Variants in SLC4A4 observed in about 807,000 individuals in gnomAD.
SLC4A4 encodes the protein electrogenic sodium bicarbonate cotransporter 1.
SLC4A4 carries 27 observed loss-of-function variants against 111.5 expected under a neutral mutation model. The observed-to-expected ratio is 0.24, with a 90% confidence interval of 0.18 to 0.33. The LOEUF (loss-of-function observed/expected upper bound fraction) is 0.33, where lower values mean the gene tolerates loss of function less well. Among genes scored for constraint, SLC4A4 ranks in the 10% least tolerant of loss-of-function variants. The pLI is 1.00. For missense variants in SLC4A4, 909 were observed against 1,315.5 expected, an observed-to-expected ratio of 0.69 and a Z score of 4.78; for synonymous variants, 443 against 463.4, an observed-to-expected ratio of 0.96 and a Z score of 0.57.
At chr4:71,209,636 T>A (rs1718004924) in intron 1 of SLC4A4, among the ~76,000 whole-genome samples, 1 of 152,186 alleles carries the variant, frequency 6.6e-6, no homozygotes, top group African/African-American at 2.4e-5. Context: ...CAGTTGCATA[T>A]CAATTGGACT....
At chr4:71,364,731 G>A (rs185452141) in intron 6 of SLC4A4, among the ~76,000 whole-genome samples, 35 of 152,214 alleles carry the variant, frequency 2.3e-4, no homozygotes, top group African/African-American at 7.7e-4. Flanking sequence ...TTTTGGGGGG[G>A]ATACAAACAT....
intron 2 of SLC4A4, among the ~76,000 whole-genome samples, chr4:71,133,917 C>G (rs558537525): frequency 6.6e-6 from 1 of 152,130 alleles, no homozygotes; most frequent in African/African-American, 2.4e-5. Flanking sequence ...CTTGCTCTGT[C>G]TTGCTGGCAC....
intron 3 of SLC4A4, among the ~76,000 whole-genome samples, chr4:71,319,665 T>C (rs1391889298): frequency 6.6e-6 from 1 of 152,128 alleles, no homozygotes; most frequent in Admixed American, 6.6e-5. Context: ...GATTGCTTAA[T>C]ATAATAGCAT....
At chr4:71,177,903 T>C (rs1021460851) in intron 2 of SLC4A4, among the ~76,000 whole-genome samples, 4 of 152,144 alleles carry the variant, frequency 2.6e-5, no homozygotes, top group Non-Finnish European at 5.9e-5. Flanking sequence ...ACCACACTTA[T>C]TTCAAAACTG....
intron 15 of SLC4A4, 29 bp from the exon 16 acceptor site, chr4:71,497,472 A>G: frequency 1.3e-6 from 2 of 1,588,496 alleles, no homozygotes; most frequent in Non-Finnish European, 1.7e-6. Context: ...AATGTTCTCT[A>G]GAAAAATTTT....
At chr4:71,065,185 G>A (rs535690453) in intron 1 of SLC4A4, among the ~76,000 whole-genome samples, 2 of 152,144 alleles carry the variant, frequency 1.3e-5, no homozygotes, top group African/African-American at 2.4e-5. Context: ...TTTTTGTCAT[G>A]AGCCATCCTT....
chr4:71,346,090 TC>T (rs1560428259), intron 4 of SLC4A4, among the ~76,000 whole-genome samples: 1 of 152,102 alleles, frequency 6.6e-6, no homozygotes, highest in African/African-American at 2.4e-5. Flanking sequence ...TCTTTTTTTT[TC>T]TTAATTATAT....
chr4:71,225,517 T>G (rs949545485), intron 1 of SLC4A4, among the ~76,000 whole-genome samples: 1 of 152,196 alleles, frequency 6.6e-6, no homozygotes, highest in Non-Finnish European at 1.5e-5. Context: ...GCACACTGAC[T>G]GACATGTAGC....
chr4:71,443,108 CTCTCTCTCTATA>C (rs1472689304), intron 8 of SLC4A4, among the ~76,000 whole-genome samples: 3 of 101,962 alleles, frequency 2.9e-5, no homozygotes, highest in East Asian at 3.5e-4. Context: ...CTCTCTCTCT[CTCTCTCTCTATA>C]TATATATATA....
intron 6 of SLC4A4, among the ~76,000 whole-genome samples, chr4:71,395,806 A>G (rs72650341): frequency 2.5e-3 from 387 of 152,336 alleles, no homozygotes; most frequent in Admixed American, 4.8e-3. Context: ...CCACTTACAT[A>G]TAAATTATTT....
chr4:71,130,279 G>A (rs1560735122), intron 2 of SLC4A4, among the ~76,000 whole-genome samples: 1 of 151,806 alleles, frequency 6.6e-6, no homozygotes, highest in East Asian at 1.9e-4. Context: ...GCTTGGGTGG[G>A]GGTGCAGTAG....
intron 16 of SLC4A4, among the ~76,000 whole-genome samples, chr4:71,508,192 C>G (rs1275901662): frequency 6.6e-6 from 1 of 151,952 alleles, no homozygotes; most frequent in East Asian, 1.9e-4. Context: ...GAACCAAGAG[C>G]AAACAAACCC....
intron 6 of SLC4A4, among the ~76,000 whole-genome samples, chr4:71,374,792 T>A (rs866549597): frequency 2.0e-5 from 3 of 152,140 alleles, no homozygotes; most frequent in Non-Finnish European, 2.9e-5. Flanking sequence ...ACAGTTTTTT[T>A]TTTTTCCTAA....
Position 71,451,268 on chromosome 4 carries a change from A to G in SLC4A4, c.1289A>G (p.His430Arg). 1 of 1,613,018 alleles carries G rather than the reference A, an allele frequency of 6.2e-7. No individual in the cohort carries two copies. The highest frequency in any genetic ancestry group is 8.5e-7 in the Non-Finnish European group (1 of 1,179,020). ...GATGGAGGTCACGGAGGAGGAGGACATGGGGATTGTGAAGAATTGCAGCGA... is the reference window on the plus strand; with the variant it reads ...GATGGAGGTCACGGAGGAGGAGGACGTGGGGATTGTGAAGAATTGCAGCGA... ...PHDGGHGGGGHGDCEELQRTG... is the reference protein window; with the variant it reads ...PHDGGHGGGGRGDCEELQRTG... The change falls in exon 11 of 26, where the codon CAT (histidine) becomes CGT (arginine). Residue 430 changes from histidine to arginine, a missense_variant. Physicochemically the swap from His to Arg is conservative, Grantham distance 29. Around this residue, in one of 7 missense-constraint regions of SLC4A4, gnomAD observed 312 missense variants for 402.0 expected, o/e 0.78. Transcript: ENST00000264485.
chr4:71,328,964 G>A (rs1353669514), intron 3 of SLC4A4, among the ~76,000 whole-genome samples: 2 of 152,092 alleles, frequency 1.3e-5, no homozygotes, highest in African/African-American at 4.8e-5. Flanking sequence ...TTAAATTTAA[G>A]TCTTTAATCC....
intron 7 of SLC4A4, among the ~76,000 whole-genome samples, chr4:71,399,267 T>C (rs899046706): frequency 6.6e-5 from 10 of 152,276 alleles, no homozygotes; most frequent in Middle Eastern, 6.8e-3. Flanking sequence ...GTGGGTGAGT[T>C]TGAAGATTCT....
chr4:71,538,115 A>C (rs1489080857), intron 18 of SLC4A4, among the ~76,000 whole-genome samples: 5 of 151,940 alleles, frequency 3.3e-5, no homozygotes, highest in Non-Finnish European at 7.4e-5. Flanking sequence ...TTTTATTCTG[A>C]AAAAAATTTG....
At chr4:71,096,753 G>C (rs1215552084) in intron 2 of SLC4A4, among the ~76,000 whole-genome samples, 1 of 152,130 alleles carries the variant, frequency 6.6e-6, no homozygotes. Context: ...AATGAATAAT[G>C]TTAAGTGTGG....
chr4:71,286,733 T>A (rs576510964), intron 3 of SLC4A4, among the ~76,000 whole-genome samples: 1 of 152,326 alleles, frequency 6.6e-6, no homozygotes, highest in South Asian at 2.1e-4. Flanking sequence ...AGTTTATGAA[T>A]GAGAAACTTT....
Sources: allele counts gnomAD v4.1 joint callset (sites outside exome capture counted in the v4.1 genomes callset), GRCh38; gene constraint gnomAD v4.1.1; regional missense constraint gnomAD v4.1.1; transcripts MANE v1.5; gene names NCBI Gene and HGNC (gene_info 2026-07-23, HGNC 2026-07-21).